ARL15: variants seen among roughly 807,000 people sequenced by gnomAD.
ARL15 encodes the protein ADP-ribosylation factor-like protein 15.
Under a neutral mutation model 25.2 loss-of-function variants are expected in ARL15, and 19 were observed. The ratio of observed to expected loss-of-function variants is 0.75; its 90% confidence interval spans 0.53 to 1.10. The LOEUF is 1.10. Among genes scored for constraint, ARL15 ranks in the 50% least tolerant of loss-of-function variants. The pLI is 0.00. For synonymous variants in ARL15, 94 were observed against 86.8 expected (o/e 1.08, Z -0.46); for missense variants, 220 against 246.0 (o/e 0.89, Z 0.71).
chr5:54,055,120 C>T (rs193060075), intron 4 of ARL15, among the ~76,000 whole-genome samples: 1 of 152,126 alleles, frequency 6.6e-6, no homozygotes, highest in African/African-American at 2.4e-5. Flanking sequence ...TACAAAGAAA[C>T]ATCATACTCA....
intron 4 of ARL15, among the ~76,000 whole-genome samples, chr5:54,106,022 G>T (rs1189641262): frequency 6.6e-6 from 1 of 152,076 alleles, no homozygotes; most frequent in African/African-American, 2.4e-5. Flanking sequence ...TGTATTAAAA[G>T]AATATCATTT....
chr5:54,094,794 T>C (rs748300875), intron 4 of ARL15, among the ~76,000 whole-genome samples: 2 of 152,182 alleles, frequency 1.3e-5, no homozygotes, highest in Non-Finnish European at 2.9e-5. Context: ...ACTGAATAAA[T>C]TTGTTCATCT....
intron 4 of ARL15, among the ~76,000 whole-genome samples, chr5:54,097,741 T>C (rs972647183): frequency 2.6e-5 from 4 of 152,174 alleles, no homozygotes; most frequent in Admixed American, 1.3e-4. Context: ...AGATGTAAAA[T>C]ATACTCATTT....
At chr5:54,267,685 T>G (rs1459761967) in intron 1 of ARL15, among the ~76,000 whole-genome samples, 1 of 152,214 alleles carries the variant, frequency 6.6e-6, no homozygotes, top group Non-Finnish European at 1.5e-5. Flanking sequence ...TCTCTCAGCA[T>G]TAGCTTGTCT....
At chr5:54,120,836 G>C (rs1055461305) in intron 3 of ARL15, among the ~76,000 whole-genome samples, 2 of 152,194 alleles carry the variant, frequency 1.3e-5, no homozygotes, top group African/African-American at 4.8e-5. Context: ...CTGGCTGACA[G>C]AAAGATATTT....
At chr5:54,260,338 A>C (rs1488909085) in intron 1 of ARL15, among the ~76,000 whole-genome samples, 1 of 152,196 alleles carries the variant, frequency 6.6e-6, no homozygotes, top group East Asian at 1.9e-4. Context: ...TATCATAACA[A>C]TTACATAGGT....
chr5:54,041,302 GTTTAATATGC>G (rs972521264), intron 4 of ARL15, among the ~76,000 whole-genome samples: 1 of 152,196 alleles, frequency 6.6e-6, no homozygotes, highest in Non-Finnish European at 1.5e-5. Flanking sequence ...TCCAAAGGCT[GTTTAATATGC>G]CTTTGATATA....
intron 1 of ARL15, among the ~76,000 whole-genome samples, chr5:54,224,060 T>G (rs1756450441): frequency 6.6e-6 from 1 of 152,204 alleles, no homozygotes; most frequent in East Asian, 1.9e-4. Context: ...TGTTGTGTGC[T>G]TGTGGCCATA....
At chr5:54,046,745 T>C (rs1300736477) in intron 4 of ARL15, among the ~76,000 whole-genome samples, 3 of 152,084 alleles carry the variant, frequency 2.0e-5, no homozygotes, top group Non-Finnish European at 4.4e-5. Context: ...AAGAAATGGC[T>C]AAATTCAGGT....
chr5:54,238,187 G>A (rs1220761654), intron 1 of ARL15, among the ~76,000 whole-genome samples: 2 of 152,056 alleles, frequency 1.3e-5, no homozygotes, highest in African/African-American at 2.4e-5. Flanking sequence ...AATGGAAAAC[G>A]AGGGAGCAAC....
At chr5:54,242,623 G>T (rs1756987598) in intron 1 of ARL15, among the ~76,000 whole-genome samples, 1 of 152,124 alleles carries the variant, frequency 6.6e-6, no homozygotes, top group Non-Finnish European at 1.5e-5. Flanking sequence ...GAATGCAAAC[G>T]CAGAGCTCCC....
intron 3 of ARL15, among the ~76,000 whole-genome samples, chr5:54,126,204 C>T (rs1753247011): frequency 6.6e-6 from 1 of 152,130 alleles, no homozygotes; most frequent in Non-Finnish European, 1.5e-5. Flanking sequence ...CCTCTAATAT[C>T]ACGAAAACAC....
At chr5:54,130,750 T>G (rs1322812999) in intron 3 of ARL15, among the ~76,000 whole-genome samples, 1 of 152,084 alleles carries the variant, frequency 6.6e-6, no homozygotes, top group Non-Finnish European at 1.5e-5. Flanking sequence ...TAGCCAAAAC[T>G]TAGGTAGAAA....
chr5:54,125,943 C>T (rs1753238784), intron 3 of ARL15, among the ~76,000 whole-genome samples: 1 of 152,088 alleles, frequency 6.6e-6, no homozygotes, highest in African/African-American at 2.4e-5. Flanking sequence ...ACTGCATTCT[C>T]AAAATACTTC....
intron 4 of ARL15, among the ~76,000 whole-genome samples, chr5:53,989,855 AAC>A (rs767916866): frequency 3.9e-4 from 60 of 152,164 alleles, no homozygotes; most frequent in Non-Finnish European, 7.8e-4. Flanking sequence ...TTTGAATGTA[AAC>A]AGTTTTAAGG....
intron 4 of ARL15, among the ~76,000 whole-genome samples, chr5:54,039,248 T>C (rs186447304): frequency 7.8e-4 from 119 of 152,070 alleles, no homozygotes; most frequent in African/African-American, 2.8e-3. Context: ...GTTCACACTT[T>C]TAAGAAAGGG....
intron 3 of ARL15, among the ~76,000 whole-genome samples, chr5:54,131,024 C>T: frequency 6.6e-6 from 1 of 152,110 alleles, no homozygotes. Context: ...TTAGATGTGC[C>T]TTGGAAGGAT....
Position 54,184,249 on chromosome 5 carries a change from T to TAA in ARL15, c.49-12323_49-12322dup, listed in dbSNP as rs370187848. On this transcript the variant is annotated intron_variant, in intron 1 of 4. Coordinates refer to ENST00000504924, the MANE Select transcript of ARL15 (RefSeq NM_019087.3). ...ATGTACCCTAAAACTTAAAGTATAA[T>TAA]AAAAAAAAAATCAAAAAAAAAAAAA... Among the ~76,000 whole-genome samples, 557 of 110,582 alleles carry TAA rather than the reference T, an allele frequency of 5.0e-3. 4 individuals carry two copies. The highest frequency in any genetic ancestry group is 0.014 in the African/African-American group (411 of 29,826). 72.5% of individuals were successfully genotyped at this position (110,582 alleles called of 152,430 possible).
intron 3 of ARL15, among the ~76,000 whole-genome samples, chr5:54,125,485 C>A (rs1482985552): frequency 6.6e-6 from 1 of 152,114 alleles, no homozygotes; most frequent in African/African-American, 2.4e-5. Flanking sequence ...AATCTGCCAA[C>A]AAAAACAGGA....
Sources: allele counts gnomAD v4.1 joint callset (sites outside exome capture counted in the v4.1 genomes callset), GRCh38; gene constraint gnomAD v4.1.1; transcripts MANE v1.5; gene names NCBI Gene and HGNC (gene_info 2026-07-23, HGNC 2026-07-21).